The following KCNT2 variants were observed in gnomAD, a reference collection of about 807,000 sequenced individuals.
KCNT2 encodes potassium sodium-activated channel subfamily T member 2, also known as potassium channel subfamily T member 2.
KCNT2 carries 67 observed loss-of-function variants against 153.8 expected under a neutral mutation model. That is an observed-to-expected ratio of 0.44 (90% CI 0.36 to 0.53). The LOEUF (loss-of-function observed/expected upper bound fraction) is 0.53. Ranked by LOEUF, KCNT2 falls within the 20% of genes least tolerant of loss-of-function variation. KCNT2 has a pLI of 0.00. For synonymous variants in KCNT2, 500 were observed against 458.8 expected (o/e 1.09, Z -1.15); for missense variants, 975 against 1,354.8 (o/e 0.72, Z 4.40).
chr1:196,251,873 A>G (rs1276391688), intron 26 of KCNT2, among the ~76,000 whole-genome samples: 1 of 151,938 alleles, frequency 6.6e-6, no homozygotes, highest in Non-Finnish European at 1.5e-5. Context: ...CCACGTAAAT[A>G]TATACACCTA....
At chr1:196,488,524 C>A (rs1679612304) in intron 3 of KCNT2, among the ~76,000 whole-genome samples, 1 of 151,924 alleles carries the variant, frequency 6.6e-6, no homozygotes, top group Non-Finnish European at 1.5e-5. Context: ...TAACACCCAC[C>A]AAATGCCCTT....
intron 12 of KCNT2, among the ~76,000 whole-genome samples, chr1:196,415,187 A>C (rs908151617): frequency 6.6e-6 from 1 of 151,826 alleles, no homozygotes; most frequent in South Asian, 2.1e-4. Flanking sequence ...AGACCTCGAC[A>C]TTTTGAAAAC....
chr1:196,531,599 A>G (rs1162494475), intron 1 of KCNT2, among the ~76,000 whole-genome samples: 1 of 152,088 alleles, frequency 6.6e-6, no homozygotes, highest in Non-Finnish European at 1.5e-5. Flanking sequence ...TCTTTTGATA[A>G]CCATTATTAT....
At chr1:196,586,090 T>C (rs1169000826) in intron 1 of KCNT2, among the ~76,000 whole-genome samples, 2 of 151,814 alleles carry the variant, frequency 1.3e-5, no homozygotes, top group African/African-American at 4.8e-5. Context: ...CAAAACCCCA[T>C]CTCTATTTAA....
rs1925330 is a variant in KCNT2, at chr1:196,248,826, C to A, written c.3211+9368G>T. Reference sequence around the variant, plus strand: ...GGCCAGTATTACCTTGATACAAAAACCAAATAAAGATACATCGACAAAGAA... The same window carrying A: ...GGCCAGTATTACCTTGATACAAAAAACAAATAAAGATACATCGACAAAGAA... On this transcript the variant is annotated intron_variant, in intron 26 of 27. Coordinates refer to ENST00000294725, the MANE Select transcript of KCNT2 (RefSeq NM_198503.5). Among the ~76,000 whole-genome samples, 873 of 152,200 alleles carry A rather than the reference C, an allele frequency of 5.7e-3. 23 individuals carry two copies. Among genetic ancestry groups the A allele is most frequent in the Admixed American group, 0.042 (640 of 15,268 alleles).
intron 5 of KCNT2, among the ~76,000 whole-genome samples, chr1:196,474,679 T>G (rs943708307): frequency 8.5e-5 from 13 of 152,212 alleles, no homozygotes; most frequent in African/African-American, 3.1e-4. Flanking sequence ...GTGCCAGAGT[T>G]TGTTTTTGTT....
At chr1:196,245,567 A>C (rs1655366187) in intron 26 of KCNT2, among the ~76,000 whole-genome samples, 1 of 152,214 alleles carries the variant, frequency 6.6e-6, no homozygotes, top group South Asian at 2.1e-4. Flanking sequence ...TTGATTGTTT[A>C]GATGGATTAT....
chr1:196,351,668 C>G (rs1666713251), intron 14 of KCNT2, among the ~76,000 whole-genome samples: 1 of 152,002 alleles, frequency 6.6e-6, no homozygotes, highest in Non-Finnish European at 1.5e-5. Flanking sequence ...AATTTGACTT[C>G]CTCTTTTCCT....
At chr1:196,297,320 A>G (rs1660765193) in intron 22 of KCNT2, among the ~76,000 whole-genome samples, 2 of 152,076 alleles carry the variant, frequency 1.3e-5, no homozygotes, top group African/African-American at 4.8e-5. Context: ...ACTTTTCTGC[A>G]TTTAATATTT....
chr1:196,366,733 A>C (rs1668076367), intron 14 of KCNT2, among the ~76,000 whole-genome samples: 1 of 151,948 alleles, frequency 6.6e-6, no homozygotes, highest in Admixed American at 6.6e-5. Context: ...TTTGTATTTT[A>C]CTTGTTTATT....
chr1:196,402,367 T>C (rs893402553), intron 12 of KCNT2, among the ~76,000 whole-genome samples: 2 of 151,622 alleles, frequency 1.3e-5, no homozygotes, highest in African/African-American at 2.4e-5. Context: ...AATCTATGGA[T>C]AAATTATTAT....
intron 1 of KCNT2, among the ~76,000 whole-genome samples, chr1:196,566,720 G>A (rs1378873494): frequency 6.6e-6 from 1 of 152,074 alleles, no homozygotes; most frequent in Non-Finnish European, 1.5e-5. Flanking sequence ...AAAGGACATT[G>A]CTTCAGAAAT....
At chr1:196,564,980 T>A (rs1396693383) in intron 1 of KCNT2, among the ~76,000 whole-genome samples, 1 of 151,096 alleles carries the variant, frequency 6.6e-6, no homozygotes, top group African/African-American at 2.4e-5. Context: ...TCAAATAGGG[T>A]TACATAAAAC....
chr1:196,283,525 T>C (rs1032698228), intron 23 of KCNT2, among the ~76,000 whole-genome samples: 1 of 152,142 alleles, frequency 6.6e-6, no homozygotes, highest in Non-Finnish European at 1.5e-5. Context: ...TGACAGTGCA[T>C]CTCTTATATT....
chr1:196,415,584 G>C (rs937512056), intron 12 of KCNT2, among the ~76,000 whole-genome samples: 1 of 151,720 alleles, frequency 6.6e-6, no homozygotes, highest in African/African-American at 2.4e-5. Context: ...GTCCGGATAA[G>C]AGCATATTAG....
chr1:196,247,829 C>T (rs889949001), intron 26 of KCNT2, among the ~76,000 whole-genome samples: 1 of 152,084 alleles, frequency 6.6e-6, no homozygotes, highest in South Asian at 2.1e-4. Flanking sequence ...ACATTTCATC[C>T]AATGGCTGCA....
intron 26 of KCNT2, among the ~76,000 whole-genome samples, chr1:196,254,928 A>T (rs551714036): frequency 5.3e-5 from 8 of 151,692 alleles, no homozygotes; most frequent in African/African-American, 1.9e-4. Context: ...ATTTAAAAGG[A>T]TTTCTTTTTA....
intron 1 of KCNT2, among the ~76,000 whole-genome samples, chr1:196,529,665 T>A (rs141575608): frequency 2.2e-4 from 34 of 152,294 alleles, no homozygotes; most frequent in African/African-American, 7.5e-4. Context: ...GTATCTTTGA[T>A]TCAGCATTGC....
chr1:196,291,651 T>C (rs1010284404), intron 22 of KCNT2, among the ~76,000 whole-genome samples: 4 of 152,170 alleles, frequency 2.6e-5, no homozygotes, highest in Admixed American at 6.5e-5. Context: ...GGCTAGAAGT[T>C]ACAAACTGGC....
Sources: gnomAD v4.1 joint callset for allele counts (sites outside exome capture counted in the v4.1 genomes callset) on GRCh38, gnomAD v4.1.1 for gene constraint, MANE v1.5 for transcripts, NCBI Gene and HGNC (gene_info 2026-07-23, HGNC 2026-07-21) for gene names.